The following MINPP1 variants were observed in gnomAD, a reference collection of about 807,000 sequenced individuals.
MINPP1 encodes multiple inositol polyphosphate phosphatase 1.
Under a neutral mutation model 46.1 loss-of-function variants are expected in MINPP1, and 28 were observed. The ratio of observed to expected loss-of-function variants is 0.61; its 90% CI spans 0.45 to 0.83. The LOEUF is 0.83. Ranked by LOEUF, MINPP1 falls within the 40% of genes least tolerant of loss-of-function variation. The pLI is 0.00. For missense variants in MINPP1, 603 were observed against 610.0 expected (o/e 0.99, Z 0.12); for synonymous variants, 268 against 249.1 (o/e 1.08, Z -0.72).
intron 3 of MINPP1, among the ~76,000 whole-genome samples, chr10:87,516,844 T>G (rs1254547507): frequency 1.3e-5 from 2 of 152,116 alleles, no homozygotes; most frequent in Non-Finnish European, 2.9e-5. Context: ...TTTTTCTTTA[T>G]TACAGTAGTT....
At chr10:87,520,493 A>G (rs1044726328) in intron 3 of MINPP1, among the ~76,000 whole-genome samples, 3 of 152,002 alleles carry the variant, frequency 2.0e-5, no homozygotes, top group African/African-American at 7.2e-5. Context: ...GTACACTTTT[A>G]TTATTATTTT....
intron 4 of MINPP1, among the ~76,000 whole-genome samples, chr10:87,523,097 TCCA>T (rs1421510947): frequency 2.0e-5 from 3 of 152,226 alleles, no homozygotes; most frequent in Non-Finnish European, 4.4e-5. Flanking sequence ...TCTTGCTATT[TCCA>T]CCACATCTGC....
chr10:87,512,999 T>A, intron 2 of MINPP1, 125 bp from the exon 3 acceptor site: 1 of 728,480 alleles, frequency 1.4e-6, no homozygotes, highest in South Asian at 1.6e-5. Context: ...CTAAATTATT[T>A]CTTCCCCAAA....
chr10:87,505,078 G>A lies in MINPP1; in HGVS notation c.163G>A (p.Asp55Asn). ...PYFGTKTRYE[D>N]VNPVLLSGPE... ...TTTCGGCACCAAGACTCGCTACGAG[G>A]ATGTCAACCCCGTGCTATTGTCGGG... The change falls in exon 1 of 5, where the codon GAT (aspartate) becomes AAT (asparagine). Residue 55 changes from aspartate (D) to asparagine (N), a missense_variant. Transcript: ENST00000371996. This position sits in a 1 kb window ranked among gnomAD's most constrained non-coding sequence, Gnocchi z 4.4. 1 of 1,613,642 alleles carries A rather than the reference G, an allele frequency of 6.2e-7. No individual in the cohort carries two copies. The highest frequency in any genetic ancestry group is 8.5e-7 in the Non-Finnish European group (1 of 1,179,928).
intron 4 of MINPP1, among the ~76,000 whole-genome samples, chr10:87,536,405 T>A (rs1267514385): frequency 6.6e-6 from 1 of 152,214 alleles, no homozygotes; most frequent in African/African-American, 2.4e-5. Flanking sequence ...ATGTGTTTTT[T>A]AATAACTCGA....
At chr10:87,512,009 G>A (rs149045286) in intron 2 of MINPP1, among the ~76,000 whole-genome samples, 93 of 152,094 alleles carry the variant, frequency 6.1e-4, no homozygotes, top group African/African-American at 1.9e-3. Flanking sequence ...TGCATGTAAC[G>A]CCAGTTGATT....
intron 4 of MINPP1, among the ~76,000 whole-genome samples, chr10:87,547,042 A>G (rs1189940156): frequency 6.6e-6 from 1 of 152,186 alleles, no homozygotes; most frequent in East Asian, 1.9e-4. Context: ...CTGACAACAG[A>G]GTCTTCCTCA....
intron 4 of MINPP1, among the ~76,000 whole-genome samples, chr10:87,526,848 A>G (rs1386662695): frequency 2.6e-5 from 4 of 152,080 alleles, no homozygotes. Flanking sequence ...CAAAGATCAG[A>G]TGGTTGTAGA....
At chr10:87,521,227 A>G (rs1851496736) in intron 4 of MINPP1, 58 bp downstream of exon 4, 3 of 1,409,598 alleles carry the variant, frequency 2.1e-6, no homozygotes, top group South Asian at 1.2e-5. Context: ...ACTTCTGGAA[A>G]TTTTTTTATA....
At chr10:87,527,674 T>G (rs898988531) in intron 4 of MINPP1, among the ~76,000 whole-genome samples, 89 of 152,178 alleles carry the variant, frequency 5.8e-4, no homozygotes, top group African/African-American at 2.0e-3. Context: ...TAAAATTCTT[T>G]TTTTTTGTTG....
At chr10:87,514,389 G>C (rs753913239) in intron 3 of MINPP1, among the ~76,000 whole-genome samples, 1 of 151,920 alleles carries the variant, frequency 6.6e-6, no homozygotes, top group Non-Finnish European at 1.5e-5. Context: ...AAATTTTCAC[G>C]TCTTAAGTCT....
intron 4 of MINPP1, among the ~76,000 whole-genome samples, chr10:87,551,479 G>C (rs2131847312): frequency 6.6e-6 from 1 of 151,868 alleles, no homozygotes; most frequent in East Asian, 1.9e-4. Context: ...AAAGTGGTTT[G>C]TATTCCTGGC....
In MINPP1 at chr10:87,553,341, A is replaced by C. The variant is rs550629428; in HGVS notation, c.*863A>C. On this transcript the variant is annotated 3_prime_UTR_variant, in exon 5 of 5. Transcript: ENST00000371996. Reference sequence around the variant, plus strand: ...TTGTAAATAGTTCTGAGTTCTGTCAAATGCCGTGAAAGTATTTGCTATAAT... The same window carrying C: ...TTGTAAATAGTTCTGAGTTCTGTCACATGCCGTGAAAGTATTTGCTATAAT... The C allele has an allele frequency of 4.9e-4, 74 of 152,102 alleles. No homozygotes were observed. Among genetic ancestry groups the C allele is most frequent in the African/African-American group, 1.7e-3 (71 of 41,502 alleles). The allele number at this position is 152,102 out of a possible 1,614,324, so 9.4% of individuals were successfully genotyped here. A position where few individuals can be genotyped will look rare whatever the true frequency, so the allele number is the denominator to read the frequency against.
intron 1 of MINPP1, chr10:87,507,835 G>A (rs1409361046): frequency 1.9e-6 from 2 of 1,040,400 alleles, no homozygotes; most frequent in Non-Finnish European, 2.3e-6. Flanking sequence ...ACATCAGTGC[G>A]TTTTGTGCTG....
At chr10:87,517,507 G>A (rs1851428640) in intron 3 of MINPP1, among the ~76,000 whole-genome samples, 1 of 151,546 alleles carries the variant, frequency 6.6e-6, no homozygotes, top group South Asian at 2.1e-4. Context: ...TTTAAATCAT[G>A]TGTATGTAAA....
intron 4 of MINPP1, among the ~76,000 whole-genome samples, chr10:87,522,464 T>C (rs1424966771): frequency 6.6e-6 from 1 of 152,210 alleles, no homozygotes; most frequent in African/African-American, 2.4e-5. Context: ...TCCAGACCAC[T>C]GCAAAAAAGT....
chr10:87,508,151 G>A lies in MINPP1; in HGVS notation c.638-185G>A, dbSNP rs536979193. On this transcript the variant is annotated intron_variant, in intron 1 of 4. Transcript: ENST00000371996. ...TAGCCTTTTCTAGCTATTCTCATGC[G>A]TTACAGCCATTATAAATGGGGAATA... 10 of 1,538,514 alleles carry A rather than the reference G, an allele frequency of 6.5e-6. No individual in the cohort carries two copies. In the African/African-American group the frequency reaches 6.8e-5, roughly 11 times the overall value.
intron 1 of MINPP1, chr10:87,508,062 T>C (rs565912990): frequency 3.5e-5 from 51 of 1,457,316 alleles, no homozygotes; most frequent in Admixed American, 2.5e-4. Flanking sequence ...TACTTATTAA[T>C]GTATGATGCA....
At chr10:87,516,851 A>G (rs1483681535) in intron 3 of MINPP1, among the ~76,000 whole-genome samples, 1 of 151,972 alleles carries the variant, frequency 6.6e-6, no homozygotes, top group Non-Finnish European at 1.5e-5. Context: ...TTATTACAGT[A>G]GTTTATTGTT....
Sources: gnomAD v4.1 joint callset for allele counts (sites outside exome capture counted in the v4.1 genomes callset) on GRCh38, gnomAD v4.1.1 for gene constraint, Gnocchi (gnomAD v3.1) non-coding constraint, MANE v1.5 for transcripts, NCBI Gene and HGNC (gene_info 2026-07-23, HGNC 2026-07-21) for gene names.